The following ZNF257 variants were observed in gnomAD, a reference collection of about 807,000 sequenced individuals.
ZNF257 encodes the protein zinc finger protein 257.
A neutral mutation model predicts 11.9 loss-of-function variants in ZNF257; 12 were observed. That is an observed-to-expected ratio of 1.01 (90% confidence interval 0.65 to 1.63). The LOEUF is 1.63. Among genes scored for constraint, ZNF257 ranks in the 40% most tolerant of loss-of-function variants. The pLI, the probability that ZNF257 is intolerant of heterozygous loss-of-function variation, is 0.00. For synonymous variants in ZNF257, 183 were observed against 222.7 expected, an observed-to-expected ratio of 0.82 and a Z score of 1.59; for missense variants, 580 against 665.5, an observed-to-expected ratio of 0.87 and a Z score of 1.41.
rs748336896 is a variant in ZNF257 at position 22,088,918 on chromosome 19, CATA to C, written c.1170_1172del (p.His390_Lys391delinsGln). ...TAACCGGTCTTCACACCTTACTAAA[CATA>C]AGAGAATTCATACTAGAGAGAAGGC... On this transcript the variant is annotated inframe_deletion, in exon 4 of 4. Coordinates refer to ENST00000594947, the MANE Select transcript of ZNF257 (RefSeq NM_033468.4). The C allele has an allele frequency of 5.0e-6, 8 of 1,612,684 alleles. No individual in the cohort carries two copies. In the South Asian group the frequency reaches 5.5e-5, roughly 11 times the overall value.
At chr19:22,058,595 T>C (rs2021706723) in intron 1 of ZNF257, among the ~76,000 whole-genome samples, 1 of 152,150 alleles carries the variant, frequency 6.6e-6, no homozygotes, top group Non-Finnish European at 1.5e-5. Context: ...TTCAGCAAAC[T>C]CTACAGATTT....
chr19:22,086,452 T>A (rs1324851022), intron 3 of ZNF257, among the ~76,000 whole-genome samples: 1 of 152,106 alleles, frequency 6.6e-6, no homozygotes, highest in East Asian at 1.9e-4. Flanking sequence ...AAATGTTTTC[T>A]GTCCCATTAT....
intron 1 of ZNF257, among the ~76,000 whole-genome samples, chr19:22,055,679 TCTCAAGC>T (rs1235078064): frequency 1.3e-5 from 2 of 152,138 alleles, no homozygotes; most frequent in African/African-American, 4.8e-5. Context: ...TGGGAGAATC[TCTCAAGC>T]GATTAGATGG....
At chr19:22,079,348 C>T (rs1287749734) in intron 3 of ZNF257, among the ~76,000 whole-genome samples, 2 of 152,030 alleles carry the variant, frequency 1.3e-5, no homozygotes, top group Non-Finnish European at 2.9e-5. Flanking sequence ...TAGTTGTAAT[C>T]AAGGTTTAAA....
At chr19:22,086,132 CT>C (rs1318882364) in intron 3 of ZNF257, among the ~76,000 whole-genome samples, 21 of 151,692 alleles carry the variant, frequency 1.4e-4, no homozygotes, top group African/African-American at 4.8e-4. Flanking sequence ...CATTTTCTCC[CT>C]TTCTGTCTTC....
chr19:22,067,934 G>A lies in ZNF257; in HGVS notation c.4-4875G>A, dbSNP rs1166984278. 2.0e-5 allele frequency among the ~76,000 whole-genome samples: 3 copies of A among 150,396 alleles called. No individual in the cohort carries two copies. The East Asian group carries it at 5.9e-4, about 30-fold the overall frequency. On this transcript the variant is annotated intron_variant, in intron 1 of 3. Transcript: ENST00000594947. ...CTGAAACCATTCACAATTGCCACAA[G>A]TAGCATCAATTTAACTAATAATGTG...
chr19:22,084,839 C>T (rs375130937), intron 3 of ZNF257, among the ~76,000 whole-genome samples: 70 of 151,052 alleles, frequency 4.6e-4, no homozygotes, highest in South Asian at 3.8e-3. Flanking sequence ...AAGTGATTCT[C>T]GTGCTTTAGC....
intron 3 of ZNF257, 50 bp from the exon 4 acceptor site, chr19:22,087,927 T>C: frequency 7.0e-7 from 1 of 1,433,298 alleles, no homozygotes; most frequent in Non-Finnish European, 9.2e-7. Flanking sequence ...GTAAAAAATA[T>C]TTACCTGAGT....
At chr19:22,076,584 A>T (rs1469379777) in intron 3 of ZNF257, among the ~76,000 whole-genome samples, 1 of 152,096 alleles carries the variant, frequency 6.6e-6, no homozygotes, top group Non-Finnish European at 1.5e-5. Context: ...AGTTATCTAG[A>T]CAATTTTTTT....
intron 1 of ZNF257, among the ~76,000 whole-genome samples, chr19:22,057,583 CAA>C (rs914395813): frequency 1.3e-5 from 2 of 152,048 alleles, no homozygotes; most frequent in African/African-American, 4.8e-5. Flanking sequence ...AAAATATAAG[CAA>C]AGTTAGATTT....
chr19:22,061,771 G>A (rs530564009), intron 1 of ZNF257, among the ~76,000 whole-genome samples: 72 of 152,116 alleles, frequency 4.7e-4, no homozygotes, highest in African/African-American at 1.7e-3. Context: ...TTGGCTGTGG[G>A]TCTGTCATAA....
Position 22,052,649 on chromosome 19 carries a change from G to C in ZNF257, c.3+14G>C, listed in dbSNP as rs1451457925. The stretch of plus-strand genomic sequence containing the variant: ...AGCCTAGAAATGGTGAGAGTGCTGG[G>C]TCCGACATCCTGGGAGAGGGGAAGG... On this transcript the variant is annotated intron_variant, in intron 1 of 3. Coordinates refer to ENST00000594947, the MANE Select transcript of ZNF257 (RefSeq NM_033468.4). 8.7e-6 allele frequency: 14 copies of C among 1,606,900 alleles called. No homozygotes were observed. Among genetic ancestry groups the C allele is most frequent in the Non-Finnish European group, 1.2e-5 (14 of 1,175,664 alleles).
intron 3 of ZNF257, 126 bp from the exon 4 acceptor site, chr19:22,087,851 A>T: frequency 1.1e-6 from 1 of 893,264 alleles, no homozygotes; most frequent in Non-Finnish European, 1.5e-6. Context: ...TGAATAAATT[A>T]GAGCCTGTGG....
intron 1 of ZNF257, among the ~76,000 whole-genome samples, chr19:22,063,762 G>A (rs1304719852): frequency 6.6e-6 from 1 of 152,130 alleles, no homozygotes; most frequent in Non-Finnish European, 1.5e-5. Context: ...GCTGAGTATT[G>A]TTTTATTTCT....
intron 1 of ZNF257, among the ~76,000 whole-genome samples, chr19:22,057,920 T>C (rs1168787501): frequency 6.6e-6 from 1 of 152,136 alleles, no homozygotes; most frequent in Non-Finnish European, 1.5e-5. Flanking sequence ...CCATCATGTC[T>C]GGCTAAATTT....
chr19:22,060,245 G>C (rs1017554996), intron 1 of ZNF257, among the ~76,000 whole-genome samples: 1 of 152,154 alleles, frequency 6.6e-6, no homozygotes, highest in Non-Finnish European at 1.5e-5. Flanking sequence ...TTTTCACAAT[G>C]GTTGAACTAA....
At chr19:22,068,493 T>G (rs2022019914) in intron 1 of ZNF257, among the ~76,000 whole-genome samples, 1 of 152,064 alleles carries the variant, frequency 6.6e-6, no homozygotes, top group African/African-American at 2.4e-5. Flanking sequence ...AGGTTTTAGA[T>G]TAAGAAGGTA....
intron 1 of ZNF257, among the ~76,000 whole-genome samples, chr19:22,056,813 G>A (rs1415425423): frequency 6.6e-6 from 1 of 152,080 alleles, no homozygotes. Context: ...TTTTATTATG[G>A]CTGGGTGGTT....
At chr19:22,063,389 A>G (rs10413784) in intron 1 of ZNF257, among the ~76,000 whole-genome samples, 36,096 of 151,888 alleles carry the variant, frequency 0.24, 5,831 homozygotes, top group African/African-American at 0.46. Context: ...TATTTTTTGC[A>G]TTCTGCTAGC....
Sources: allele counts gnomAD v4.1 joint callset (sites outside exome capture counted in the v4.1 genomes callset), GRCh38; gene constraint gnomAD v4.1.1; transcripts MANE v1.5; gene names NCBI Gene and HGNC (gene_info 2026-07-23, HGNC 2026-07-21).